MPP7: variants seen among roughly 807,000 people sequenced by gnomAD.
MPP7 encodes MAGUK p55 scaffold protein 7, also known as MAGUK p55 subfamily member 7.
MPP7 carries 60 observed loss-of-function variants against 76.5 expected under a neutral mutation model. That is an observed-to-expected ratio of 0.78 (90% CI 0.64 to 0.97). MPP7 has a LOEUF of 0.97. Among genes scored for constraint, MPP7 ranks in the 50% least tolerant of loss-of-function variants. MPP7 has a pLI of 0.00. For synonymous variants in MPP7, 237 were observed against 244.5 expected, an observed-to-expected ratio of 0.97 and a Z score of 0.29; for missense variants, 641 against 694.0, an observed-to-expected ratio of 0.92 and a Z score of 0.86.
intron 13 of MPP7, among the ~76,000 whole-genome samples, chr10:28,063,655 C>T (rs914746056): frequency 2.0e-4 from 30 of 151,990 alleles, no homozygotes; most frequent in African/African-American, 6.5e-4. Context: ...ATTAGGTGCA[C>T]AAACCGAATT....
chr10:28,254,004 GAAAAAAAAAAAAAA>G (rs199511617), intron 1 of MPP7, among the ~76,000 whole-genome samples: 1,342 of 92,410 alleles, frequency 0.015, 32 homozygotes, highest in African/African-American at 0.052. Flanking sequence ...TCACAAAAAA[GAAAAAAAAAAAAAA>G]AAAAAAAAAA....
intron 2 of MPP7, among the ~76,000 whole-genome samples, chr10:28,211,462 T>TAG (rs962143389): frequency 9.5e-4 from 141 of 147,766 alleles, no homozygotes; most frequent in South Asian, 4.2e-3. Context: ...TATATATATA[T>TAG]AGAGAGAGAG....
chr10:28,064,842 A>C (rs549810733), intron 13 of MPP7, among the ~76,000 whole-genome samples: 66 of 152,352 alleles, frequency 4.3e-4, no homozygotes, highest in African/African-American at 1.3e-3. Flanking sequence ...CACTCTTTAC[A>C]GGAATAGCAT....
chr10:28,195,593 G>C (rs1367569849), intron 3 of MPP7, among the ~76,000 whole-genome samples: 1 of 152,204 alleles, frequency 6.6e-6, no homozygotes, highest in Non-Finnish European at 1.5e-5. Flanking sequence ...TAATTTGGGT[G>C]AGCCTTGAAA....
chr10:28,308,388 C>T (rs1841271220), intron 2 of MPP7, among the ~76,000 whole-genome samples: 1 of 152,210 alleles, frequency 6.6e-6, no homozygotes, highest in African/African-American at 2.4e-5. Context: ...CATGGTCTGC[C>T]TCACTGACAC....
At chr10:28,254,132 T>C (rs1026007010) in intron 1 of MPP7, among the ~76,000 whole-genome samples, 1 of 152,074 alleles carries the variant, frequency 6.6e-6, no homozygotes, top group Non-Finnish European at 1.5e-5. Flanking sequence ...AGATTCTTTT[T>C]ACTCTCCTCT....
At chr10:28,107,324 C>T (rs765520145) in intron 11 of MPP7, among the ~76,000 whole-genome samples, 69 of 152,156 alleles carry the variant, frequency 4.5e-4, no homozygotes, top group Non-Finnish European at 7.5e-4. Flanking sequence ...TTCTCTGAAT[C>T]ACAGCATTTT....
At position 28,149,966 on chromosome 10, in the gene MPP7, GGA is replaced by G; in HGVS notation, c.234+14_234+15del. ...GCAGCAGACACATCCCAGTGAGCTC[GGA>G]GAGTCACACTTACATCATCGGCCAA... On this transcript the variant is annotated intron_variant, in intron 4 of 16. Transcript: ENST00000683449. 1 of 1,607,648 alleles carries G rather than the reference GGA, an allele frequency of 6.2e-7. No individual in the cohort carries two copies. The highest frequency in any genetic ancestry group is 8.5e-7 in the Non-Finnish European group (1 of 1,175,664).
chr10:28,264,709 A>T (rs1435403826), intron 1 of MPP7, among the ~76,000 whole-genome samples: 1 of 152,176 alleles, frequency 6.6e-6, no homozygotes, highest in Admixed American at 6.5e-5. Flanking sequence ...GGAAGCACAG[A>T]GCATGTGAAG....
chr10:28,307,178 A>G (rs1358339540), upstream of MPP7, among the ~76,000 whole-genome samples: 1 of 152,138 alleles, frequency 6.6e-6, no homozygotes, highest in African/African-American at 2.4e-5. Context: ...CTTTCTAGTT[A>G]CTGAAAGTCT....
At chr10:28,151,862 C>T (rs375799023) in intron 3 of MPP7, among the ~76,000 whole-genome samples, 18 of 152,246 alleles carry the variant, frequency 1.2e-4, no homozygotes, top group African/African-American at 4.1e-4. Context: ...TTCTTCACTG[C>T]GATCCTTGGC....
chr10:28,307,998 A>G (rs1391487963), upstream of MPP7, among the ~76,000 whole-genome samples: 2 of 151,552 alleles, frequency 1.3e-5, no homozygotes, highest in East Asian at 3.9e-4. Context: ...GAAACATCCA[A>G]CTCCACTTCT....
intron 3 of MPP7, among the ~76,000 whole-genome samples, chr10:28,158,988 C>T (rs1007114770): frequency 3.3e-5 from 5 of 152,192 alleles, no homozygotes; most frequent in Admixed American, 2.6e-4. Flanking sequence ...AACACACTAT[C>T]CCCCATCCCC....
chr10:28,059,806 A>T, intron 13 of MPP7, 63 bp from the exon 14 acceptor site: 2 of 1,084,846 alleles, frequency 1.8e-6, no homozygotes, highest in Admixed American at 2.1e-5. Context: ...AAAATACTAA[A>T]AAAGAAATCA....
At chr10:28,267,046 T>C (rs1051862448) in intron 1 of MPP7, among the ~76,000 whole-genome samples, 4 of 152,246 alleles carry the variant, frequency 2.6e-5, no homozygotes, top group African/African-American at 7.2e-5. Context: ...TGTTCTGCCA[T>C]ATGCGTTAGT....
Position 28,128,981 on chromosome 10 carries a change from CCT to C in MPP7, c.447+2577_447+2578del, listed in dbSNP as rs775429032. On this transcript the variant is annotated intron_variant, in intron 6 of 16. Transcript: ENST00000683449. ...CCCTGATAGAATCTTCTTGCTATCCCCTGATTCTACTTTGCTTGGAGGGTAAA... is the reference window on the plus strand; with the variant it reads ...CCCTGATAGAATCTTCTTGCTATCCCGATTCTACTTTGCTTGGAGGGTAAA... 1.2e-4 allele frequency among the ~76,000 whole-genome samples: 19 copies of C among 152,294 alleles called. No individual in the cohort carries two copies. In the East Asian group the frequency reaches 2.1e-3, roughly 17 times the overall value.
chr10:28,172,458 A>G (rs1836715683), intron 3 of MPP7, among the ~76,000 whole-genome samples: 1 of 152,222 alleles, frequency 6.6e-6, no homozygotes, highest in African/African-American at 2.4e-5. Context: ...ACATACATGT[A>G]TTGTATTTCT....
chr10:28,084,717 G>A lies in MPP7; in HGVS notation c.1123+4954C>T, dbSNP rs544074080. Among the ~76,000 whole-genome samples the A allele has an allele frequency of 4.4e-4, 67 of 152,304 alleles. 1 individual carries two copies. The highest frequency in any genetic ancestry group is 1.3e-3 in the African/African-American group (56 of 41,574). On this transcript the variant is annotated intron_variant, in intron 12 of 16. Transcript: ENST00000683449. ...AGACAGATTATGAATATAACCTTTC[G>A]TGGTAAGTGGAAGACTTATCCCAGG...
chr10:28,113,478 G>A (rs879887098), intron 11 of MPP7, among the ~76,000 whole-genome samples: 3 of 152,130 alleles, frequency 2.0e-5, no homozygotes, highest in Non-Finnish European at 2.9e-5. Flanking sequence ...CTAGAGAGTG[G>A]CTATCTTGGT....
Sources: gnomAD v4.1 joint callset for allele counts (sites outside exome capture counted in the v4.1 genomes callset) on GRCh38, gnomAD v4.1.1 for gene constraint, MANE v1.5 for transcripts, NCBI Gene and HGNC (gene_info 2026-07-23, HGNC 2026-07-21) for gene names.